Variants in KNTC1 observed in about 807,000 individuals in gnomAD.
KNTC1 encodes kinetochore-associated protein 1.
In KNTC1, 253 loss-of-function variants were observed where a neutral mutation model predicts 314.4. The observed-to-expected ratio is 0.80, with a 90% CI of 0.73 to 0.89. The LOEUF (loss-of-function observed/expected upper bound fraction) is 0.89. KNTC1 is among the 40% of genes least tolerant of loss of function. The probability of loss-of-function intolerance (pLI) is 0.00; values close to 1 mark genes in which losing one functional copy is unlikely to be tolerated. For synonymous variants in KNTC1, 901 were observed against 901.4 expected (o/e 1.00, Z 0.01); for missense variants, 2,475 against 2,572.9 (o/e 0.96, Z 0.82).
rs1312918208 is a variant in KNTC1 at position 122,591,780 on chromosome 12, G to GT, written c.4245+329dup. The stretch of plus-strand genomic sequence containing the variant: ...CCTCATACTTTTGTTTTCTGCTGCT[G>GT]TTATTTAAAGATAATATTAAAATGT... On this transcript the variant is annotated intron_variant, in intron 42 of 63. Transcript: ENST00000333479. Among the ~76,000 whole-genome samples, 3 of 152,232 alleles carry GT rather than the reference G, an allele frequency of 2.0e-5. No homozygotes were observed. The East Asian group carries it at 5.8e-4, about 29-fold the overall frequency.
At chr12:122,546,331 T>TCTAA in intron 9 of KNTC1, 62 bp downstream of exon 9, 13 of 1,034,704 alleles carry the variant, frequency 1.3e-5, no homozygotes, top group Non-Finnish European at 1.8e-5. Context: ...TTTATGTCAG[T>TCTAA]GTACTTAGAC....
At chr12:122,565,194 C>A (rs1474308789) in intron 20 of KNTC1, among the ~76,000 whole-genome samples, 5 of 147,324 alleles carry the variant, frequency 3.4e-5, no homozygotes, top group African/African-American at 1.2e-4. Context: ...GGTGAAAAGC[C>A]TTTTGTTTTT....
intron 50 of KNTC1, 57 bp downstream of exon 50, chr12:122,605,144 T>A: frequency 2.1e-6 from 3 of 1,447,868 alleles, no homozygotes; most frequent in Non-Finnish European, 2.8e-6. Flanking sequence ...TGATTCTCAG[T>A]TTTATGTATA....
chr12:122,625,421 G>A (rs563367913), intron 63 of KNTC1, among the ~76,000 whole-genome samples: 2 of 151,648 alleles, frequency 1.3e-5, no homozygotes, highest in South Asian at 2.1e-4. Flanking sequence ...AAATATATTA[G>A]CCTGGCATGG....
chr12:122,567,948 A>G (rs185512535), intron 20 of KNTC1, among the ~76,000 whole-genome samples: 141 of 152,298 alleles, frequency 9.3e-4, no homozygotes, highest in African/African-American at 3.2e-3. Flanking sequence ...GCACATAGTG[A>G]GATCCCATCT....
chr12:122,567,835 C>G (rs1040317002), intron 20 of KNTC1, among the ~76,000 whole-genome samples: 2 of 151,580 alleles, frequency 1.3e-5, no homozygotes, highest in Non-Finnish European at 2.9e-5. Flanking sequence ...GACTCCAGCT[C>G]AAAAAAATAA....
chr12:122,592,395 G>T (rs1870377677), intron 42 of KNTC1, among the ~76,000 whole-genome samples: 2 of 152,230 alleles, frequency 1.3e-5, no homozygotes, highest in Admixed American at 6.5e-5. Flanking sequence ...CCGCCCAAGG[G>T]CTGAGGAGTG....
At position 122,534,636 on chromosome 12, in the gene KNTC1, A is replaced by G. The variant is rs376376130; in HGVS notation, c.130-28A>G. ...ATTAAACACATATAAAAATGTTTGA[A>G]TTTTCATCATGCTTTTCTCTCCCAC... On this transcript the variant is annotated intron_variant, in intron 2 of 63. Coordinates refer to ENST00000333479, the MANE Select transcript of KNTC1 (RefSeq NM_014708.6). The G allele has an allele frequency of 6.3e-6, 10 of 1,577,352 alleles. No homozygotes were observed. The East Asian group carries it at 6.9e-5, about 11-fold the overall frequency.
intron 4 of KNTC1, 68 bp downstream of exon 4, chr12:122,538,522 C>G (rs910225801): frequency 1.4e-5 from 12 of 857,210 alleles, no homozygotes; most frequent in Admixed American, 5.6e-5. Flanking sequence ...AACTAAAACT[C>G]TAGCAAACTA....
At chr12:122,538,130 G>T (rs1402596373) in intron 3 of KNTC1, among the ~76,000 whole-genome samples, 3 of 152,122 alleles carry the variant, frequency 2.0e-5, no homozygotes, top group African/African-American at 7.2e-5. Context: ...AGAGCGAGAC[G>T]CTGTCTCAAA....
intron 13 of KNTC1, among the ~76,000 whole-genome samples, chr12:122,550,866 G>A (rs549636820): frequency 6.6e-6 from 1 of 152,234 alleles, no homozygotes; most frequent in African/African-American, 2.4e-5. Context: ...TTTGTAGACT[G>A]TTTCTCTATT....
intron 53 of KNTC1, 101 bp downstream of exon 53, chr12:122,611,001 A>G (rs1208665050): frequency 2.5e-5 from 21 of 823,702 alleles, no homozygotes; most frequent in Non-Finnish European, 3.5e-5. Flanking sequence ...GATGATTCAG[A>G]TAATGCTCAC....
chr12:122,579,668 A>G (rs759072749), intron 31 of KNTC1, among the ~76,000 whole-genome samples: 1 of 152,206 alleles, frequency 6.6e-6, no homozygotes. Flanking sequence ...TGTAGTTGAA[A>G]GGTTATTTGG....
intron 16 of KNTC1, among the ~76,000 whole-genome samples, chr12:122,552,836 T>C (rs776671877): frequency 3.9e-5 from 6 of 152,030 alleles, no homozygotes; most frequent in Non-Finnish European, 8.8e-5. Context: ...AGTACAGATA[T>C]AGGTGAGAGA....
intron 18 of KNTC1, among the ~76,000 whole-genome samples, chr12:122,557,892 A>C (rs1229825319): frequency 1.3e-5 from 2 of 152,194 alleles, no homozygotes; most frequent in African/African-American, 4.8e-5. Flanking sequence ...GGTTTTTAAT[A>C]TATTCCTTGA....
Position 122,626,199 on chromosome 12 carries a change from A to G in KNTC1, c.6607-6A>G, listed in dbSNP as rs1875033951. On this transcript the variant is annotated splice_region_variant and splice_polypyrimidine_tract_variant and intron_variant, in intron 63 of 63. Coordinates refer to ENST00000333479, the MANE Select transcript of KNTC1 (RefSeq NM_014708.6). ...AAAAATCACTTCTGTGTTTCTTCCC[A>G]TTTAGATGTTTCTTAGTGGATTATC... 2 of 1,579,470 alleles carry G rather than the reference A, an allele frequency of 1.3e-6. No individual in the cohort carries two copies. The highest frequency in any genetic ancestry group is 2.2e-5 in the East Asian group (1 of 44,604).
chr12:122,548,883 G>A (rs1310579066), intron 12 of KNTC1, among the ~76,000 whole-genome samples: 1 of 152,044 alleles, frequency 6.6e-6, no homozygotes. Flanking sequence ...CAGGAGAATA[G>A]CTGGAACCTG....
At chr12:122,534,116 A>G (rs1487243633) in intron 2 of KNTC1, among the ~76,000 whole-genome samples, 5 of 152,188 alleles carry the variant, frequency 3.3e-5, no homozygotes, top group Non-Finnish European at 5.9e-5. Context: ...CTGTTTTTAA[A>G]AATGTTGGCT....
intron 59 of KNTC1, among the ~76,000 whole-genome samples, chr12:122,619,733 A>C (rs1233296691): frequency 1.3e-5 from 2 of 151,280 alleles, no homozygotes; most frequent in Non-Finnish European, 3.0e-5. Context: ...TTATACCAAA[A>C]TATCTTGATT....
Sources: gnomAD v4.1 joint callset for allele counts (sites outside exome capture counted in the v4.1 genomes callset) on GRCh38, gnomAD v4.1.1 for gene constraint, MANE v1.5 for transcripts, NCBI Gene and HGNC (gene_info 2026-07-23, HGNC 2026-07-21) for gene names.